The following NDRG3 variants were observed in gnomAD, a reference collection of about 807,000 sequenced individuals.
The protein encoded by NDRG3 is protein NDRG3.
NDRG3 carries 23 observed loss-of-function variants against 57.2 expected under a neutral mutation model. That is an observed-to-expected ratio of 0.40 (90% CI 0.29 to 0.57). NDRG3 has a LOEUF of 0.57. NDRG3 is among the 20% of genes least tolerant of loss of function. The pLI is 0.42. For missense variants in NDRG3, 384 were observed against 457.3 expected (o/e 0.84, Z 1.46); for synonymous variants, 132 against 162.6 (o/e 0.81, Z 1.43).
chr20:36,661,766 A>G (rs921294203), intron 12 of NDRG3, among the ~76,000 whole-genome samples: 1 of 152,190 alleles, frequency 6.6e-6, no homozygotes, highest in East Asian at 1.9e-4. Flanking sequence ...TTAAGAGAGC[A>G]GTGGCCTACA....
rs555389127 is a variant in NDRG3 at position 36,677,646 on chromosome 20, C to T, written c.531+3170G>A. Reference sequence around the variant, plus strand: ...GAGCTTCAGAGACCTGCAGAGAAGTCGGAATGACTCGCCTGTGGAAAGGAA... The same window carrying T: ...GAGCTTCAGAGACCTGCAGAGAAGTTGGAATGACTCGCCTGTGGAAAGGAA... On this transcript the variant is annotated intron_variant, in intron 8 of 15. Coordinates refer to ENST00000349004, the MANE Select transcript of NDRG3 (RefSeq NM_032013.4). Among the ~76,000 whole-genome samples the T allele has an allele frequency of 5.3e-5, 8 of 152,296 alleles. No individual in the cohort carries two copies. The East Asian group carries it at 1.4e-3, about 26-fold the overall frequency.
chr20:36,700,614 ACAGGCTCTCTATC>A, intron 3 of NDRG3: 1 of 398,170 alleles, frequency 2.5e-6, no homozygotes, highest in East Asian at 7.1e-5. Context: ...CATCTGTTTT[ACAGGCTCTCTATC>A]CAGTTATCTC....
intron 3 of NDRG3, among the ~76,000 whole-genome samples, chr20:36,692,582 T>G (rs966966036): frequency 6.6e-6 from 1 of 152,162 alleles, no homozygotes; most frequent in Non-Finnish European, 1.5e-5. Context: ...AGGAGAATAC[T>G]TTGGTAATTT....
intron 2 of NDRG3, among the ~76,000 whole-genome samples, chr20:36,719,626 A>C (rs943239946): frequency 1.3e-5 from 2 of 151,890 alleles, no homozygotes; most frequent in African/African-American, 4.8e-5. Flanking sequence ...GGGCAGATAA[A>C]AAGTAATAAG....
intron 3 of NDRG3, among the ~76,000 whole-genome samples, chr20:36,702,415 C>T (rs906846877): frequency 6.6e-6 from 1 of 152,110 alleles, no homozygotes; most frequent in Admixed American, 6.5e-5. Context: ...GGATTACAGG[C>T]GTGAGCGACC....
Position 36,742,442 on chromosome 20 carries a change from C to T in NDRG3, c.-49+3603G>A, listed in dbSNP as rs117563664. ...CAAGTTCAATTCTCAAGGTGCCCCC[C>T]GCCACCTTTCTTTCTTAATAGTGCT... On this transcript the variant is annotated intron_variant, in intron 1 of 15. Transcript: ENST00000349004. Among the ~76,000 whole-genome samples the T allele has an allele frequency of 9.6e-3, 1,460 of 152,224 alleles. 16 individuals carry two copies. The highest frequency in any genetic ancestry group is 0.014 in the Non-Finnish European group (931 of 68,010).
Position 36,669,890 on chromosome 20 carries a change from C to T in NDRG3, c.588+1451G>A, listed in dbSNP as rs535372205. 9.9e-5 allele frequency among the ~76,000 whole-genome samples: 15 copies of T among 152,260 alleles called. 1 individual carries two copies. Among genetic ancestry groups the T allele is most frequent in the South Asian group, 2.1e-4 (1 of 4,826 alleles). On this transcript the variant is annotated intron_variant, in intron 9 of 15. Coordinates refer to ENST00000349004, the MANE Select transcript of NDRG3 (RefSeq NM_032013.4). ...TGGGATTACAGATGTAGAGCCACTG[C>T]GCCTGACCCCTAATTTGTAGTATAT...
In NDRG3 at chr20:36,653,728, A is replaced by T. The variant is rs780616271; in HGVS notation, c.947-27T>A. 1.1e-5 allele frequency: 18 copies of T among 1,601,572 alleles called. No individual in the cohort carries two copies. In the South Asian group the frequency reaches 1.8e-4, roughly 16 times the overall value. The stretch of plus-strand genomic sequence containing the variant: ...TGTAACAGAGAACCAAGGGGACTAG[A>T]AGATGAAGCCCCGGTTAAGCCCAGC... On this transcript the variant is annotated intron_variant, in intron 15 of 15. Coordinates refer to ENST00000349004, the MANE Select transcript of NDRG3 (RefSeq NM_032013.4). The surrounding 1 kb of genome is among the most constrained non-coding windows in gnomAD (Gnocchi z 4.2).
At chr20:36,742,988 A>T (rs1435795677) in intron 1 of NDRG3, among the ~76,000 whole-genome samples, 8 of 152,192 alleles carry the variant, frequency 5.3e-5, no homozygotes, top group Non-Finnish European at 7.3e-5. Context: ...AAAAATTGTG[A>T]TTACTTTGAT....
At chr20:36,694,449 G>GGA (rs1982602021) in intron 3 of NDRG3, among the ~76,000 whole-genome samples, 1 of 152,098 alleles carries the variant, frequency 6.6e-6, no homozygotes, top group Non-Finnish European at 1.5e-5. Flanking sequence ...TTTGTTTTCT[G>GGA]GCACTGCTTC....
At position 36,693,985 on chromosome 20, in the gene NDRG3, C is replaced by A. The variant is rs186761121; in HGVS notation, c.94-5201G>T. Among the ~76,000 whole-genome samples, 27 of 152,110 alleles carry A rather than the reference C, an allele frequency of 1.8e-4. No homozygotes were observed. The East Asian group carries it at 4.8e-3, about 27-fold the overall frequency. On this transcript the variant is annotated intron_variant, in intron 3 of 15. Coordinates refer to ENST00000349004, the MANE Select transcript of NDRG3 (RefSeq NM_032013.4). The stretch of plus-strand genomic sequence containing the variant: ...CTGGTGCCAGAAAGGTTAAGGACCA[C>A]TGATATACTGTATTCTTACAATAAA...
intron 2 of NDRG3, among the ~76,000 whole-genome samples, chr20:36,707,940 C>T (rs879420784): frequency 2.0e-5 from 3 of 151,912 alleles, no homozygotes; most frequent in East Asian, 3.9e-4. Flanking sequence ...AAAAATTAGC[C>T]GGGTGTTGTG....
intron 2 of NDRG3, 71 bp downstream of exon 2, chr20:36,721,608 G>T (rs1313986883): frequency 6.9e-6 from 6 of 867,448 alleles, no homozygotes; most frequent in Non-Finnish European, 1.1e-5. Context: ...CTATTTAGAT[G>T]ATACAGAAAA....
intron 2 of NDRG3, among the ~76,000 whole-genome samples, chr20:36,718,853 T>C (rs1056399865): frequency 6.6e-6 from 1 of 152,062 alleles, no homozygotes; most frequent in Non-Finnish European, 1.5e-5. Flanking sequence ...GATCATTTTT[T>C]TAATTTTTTG....
intron 8 of NDRG3, among the ~76,000 whole-genome samples, chr20:36,677,147 C>T (rs537153043): frequency 1.3e-3 from 203 of 152,302 alleles, no homozygotes; most frequent in Non-Finnish European, 2.0e-3. Context: ...TCCCAGCTGG[C>T]GGGCTGGGAG....
chr20:36,744,564 G>T (rs1252285260), intron 1 of NDRG3, among the ~76,000 whole-genome samples: 1 of 152,086 alleles, frequency 6.6e-6, no homozygotes, highest in Non-Finnish European at 1.5e-5. Flanking sequence ...AGCAGGGAAG[G>T]CTTCACAGAG....
Position 36,715,002 on chromosome 20 carries a change from GTGTGTATATATATATATATA to G in NDRG3, c.57+6657_57+6676del, listed in dbSNP as rs1448814163. Among the ~76,000 whole-genome samples the G allele has an allele frequency of 3.2e-3, 125 of 39,594 alleles. 3 individuals are homozygous for G. The highest frequency in any genetic ancestry group is 5.0e-3 in the African/African-American group (89 of 17,890). 26.0% of individuals were successfully genotyped at this position (39,594 alleles called of 152,430 possible). On this transcript the variant is annotated intron_variant, in intron 2 of 15. Coordinates refer to ENST00000349004, the MANE Select transcript of NDRG3 (RefSeq NM_032013.4). ...TATATCTGTGTGTGTGTGTGTGTGT[GTGTGTATATATATATATATA>G]TATATATATATATATATATATATAT...
At chr20:36,664,862 T>A (rs543997522) in intron 12 of NDRG3, among the ~76,000 whole-genome samples, 184 bp downstream of exon 12, 10 of 152,108 alleles carry the variant, frequency 6.6e-5, no homozygotes, top group Admixed American at 2.0e-4. Flanking sequence ...ATTAAAAAAA[T>A]ATATATTGTA....
rs1978435417 is a variant in NDRG3 at position 36,653,992 on chromosome 20, A to G, written c.947-291T>C. Reference sequence around the variant, plus strand: ...TCTTAACTATGCCCACACCATTCAGACAGTGACAGAATGGAGGCTTTGGGA... The same window carrying G: ...TCTTAACTATGCCCACACCATTCAGGCAGTGACAGAATGGAGGCTTTGGGA... On this transcript the variant is annotated intron_variant, in intron 15 of 15. Coordinates refer to ENST00000349004, the MANE Select transcript of NDRG3 (RefSeq NM_032013.4). The surrounding 1 kb of genome is among the most constrained non-coding windows in gnomAD (Gnocchi z 4.2). Among the ~76,000 whole-genome samples the G allele has an allele frequency of 6.6e-6, 1 of 152,232 alleles. No individual in the cohort carries two copies. The highest frequency in any genetic ancestry group is 2.4e-5 in the African/African-American group (1 of 41,464).
Sources: gnomAD v4.1 joint callset for allele counts (sites outside exome capture counted in the v4.1 genomes callset) on GRCh38, gnomAD v4.1.1 for gene constraint, Gnocchi (gnomAD v3.1) non-coding constraint, MANE v1.5 for transcripts, NCBI Gene and HGNC (gene_info 2026-07-23, HGNC 2026-07-21) for gene names.